The following TFIP11 variants were observed in gnomAD, a reference collection of about 807,000 sequenced individuals.
TFIP11 encodes tuftelin interacting protein 11, also known as tuftelin-interacting protein 11.
Under a neutral mutation model 96.8 loss-of-function variants are expected in TFIP11, and 86 were observed. The observed-to-expected ratio is 0.89, with a 90% CI of 0.75 to 1.06. The LOEUF (loss-of-function observed/expected upper bound fraction) is 1.06, where lower values mean the gene tolerates loss of function less well. Ranked by LOEUF, TFIP11 falls within the 50% of genes least tolerant of loss-of-function variation. The pLI, the probability that TFIP11 is intolerant of heterozygous loss-of-function variation, is 0.00. For missense variants in TFIP11, 881 were observed against 1,076.7 expected, an observed-to-expected ratio of 0.82 and a Z score of 2.54; for synonymous variants, 405 against 395.2, an observed-to-expected ratio of 1.02 and a Z score of -0.29.
intron 4 of TFIP11, among the ~76,000 whole-genome samples, chr22:26,507,630 CAAA>C (rs134137): frequency 1.6e-4 from 18 of 115,556 alleles, no homozygotes; most frequent in Non-Finnish European, 2.4e-4. Flanking sequence ...ACCTTATCTC[CAAA>C]AAAAAAAAAA....
Position 26,496,329 on chromosome 22 carries a change from G to A in TFIP11, c.1606-13C>T. 6.3e-7 allele frequency: 1 copy of A among 1,583,478 alleles called. No individual in the cohort carries two copies. The highest frequency in any genetic ancestry group is 8.6e-7 in the Non-Finnish European group (1 of 1,160,528). On this transcript the variant is annotated splice_polypyrimidine_tract_variant and intron_variant, in intron 11 of 14. Coordinates refer to ENST00000407690, the MANE Select transcript of TFIP11 (RefSeq NM_012143.4). Reference sequence around the variant, plus strand: ...TCCAGTTTTCCACCTGCGAAGTGGGGAGGAGAAACAGTTCATGTCGCCTGT... The same window carrying A: ...TCCAGTTTTCCACCTGCGAAGTGGGAAGGAGAAACAGTTCATGTCGCCTGT...
chr22:26,506,701 T>C, intron 5 of TFIP11, 74 bp downstream of exon 5: 2 of 1,570,756 alleles, frequency 1.3e-6, no homozygotes, highest in Non-Finnish European at 8.7e-7. Context: ...AGTTTCTCCC[T>C]GGCTAGAAAA....
intron 6 of TFIP11, among the ~76,000 whole-genome samples, chr22:26,505,039 T>C (rs1390557615): frequency 2.0e-5 from 3 of 152,170 alleles, no homozygotes; most frequent in African/African-American, 7.2e-5. Context: ...ATCGTGCCAC[T>C]GCACTCCAGT....
chr22:26,498,541 CAAA>C (rs10716815), intron 10 of TFIP11, among the ~76,000 whole-genome samples: 11 of 83,572 alleles, frequency 1.3e-4, no homozygotes, highest in South Asian at 4.3e-4. Context: ...GACTCCATCT[CAAA>C]AAAAAAAAAA....
intron 3 of TFIP11, 76 bp from the exon 4 acceptor site, chr22:26,510,357 T>C (rs1180444577): frequency 4.5e-6 from 6 of 1,347,302 alleles, no homozygotes; most frequent in Admixed American, 3.8e-5. Flanking sequence ...TGAGTCTCTA[T>C]TCCTTGCTGC....
chr22:26,491,870 A>T lies in TFIP11; in HGVS notation c.*143T>A. Reference sequence around the variant, plus strand: ...CCTACGTGGCATTGTCCCATTTTACATCCTTCCCTCATGACCTGGCCTGAT... The same window carrying T: ...CCTACGTGGCATTGTCCCATTTTACTTCCTTCCCTCATGACCTGGCCTGAT... On this transcript the variant is annotated 3_prime_UTR_variant, in exon 15 of 15. Coordinates refer to ENST00000407690, the MANE Select transcript of TFIP11 (RefSeq NM_012143.4). 1 of 993,156 alleles carries T rather than the reference A, an allele frequency of 1.0e-6. No individual in the cohort carries two copies. Among genetic ancestry groups the T allele is most frequent in the Non-Finnish European group, 1.5e-6 (1 of 686,596 alleles). 61.5% of individuals were successfully genotyped at this position (993,156 alleles called of 1,614,324 possible).
chr22:26,492,309 T>TC lies in TFIP11; in HGVS notation c.2217dup (p.Arg740GlufsTer16). On this transcript the variant is annotated frameshift_variant, in exon 15 of 15. Coordinates refer to ENST00000407690, the MANE Select transcript of TFIP11 (RefSeq NM_012143.4). LOFTEE classifies it high-confidence loss of function. ...ATGGCCTCGTACTGGAAGTCCTTCC[T>TC]CCGCTCCGTGTGGGTGAGATAGGCA... 6.2e-7 allele frequency: 1 copy of TC among 1,614,178 alleles called. No individual in the cohort carries two copies. The highest frequency in any genetic ancestry group is 1.3e-5 in the African/African-American group (1 of 75,046).
chr22:26,495,170 C>T (rs1382140665), intron 12 of TFIP11, among the ~76,000 whole-genome samples: 1 of 150,094 alleles, frequency 6.7e-6, no homozygotes, highest in East Asian at 2.0e-4. Flanking sequence ...GCATGTTGCC[C>T]AGGCTGGTCT....
chr22:26,506,291 A>C lies in TFIP11; in HGVS notation c.520+12T>G, dbSNP rs748431550. 9 of 1,578,194 alleles carry C rather than the reference A, an allele frequency of 5.7e-6. No individual in the cohort carries two copies. In the African/African-American group the frequency reaches 1.1e-4, roughly 19 times the overall value. ...CCCTCCTCCATCATGCAAGACGACA[A>C]AGGTGCAATACCTTGTGCATTCTTC... On this transcript the variant is annotated intron_variant, in intron 6 of 14. Transcript: ENST00000407690.
At chr22:26,509,397 T>C (rs186457114) in intron 4 of TFIP11, among the ~76,000 whole-genome samples, 1 of 152,354 alleles carries the variant, frequency 6.6e-6, no homozygotes, top group East Asian at 1.9e-4. Context: ...AAATGTGTTC[T>C]CCCTCATGTC....
chr22:26,511,205 C>T (rs1446091542), intron 2 of TFIP11: 1 of 152,352 alleles, frequency 6.6e-6, no homozygotes, highest in African/African-American at 2.4e-5. Flanking sequence ...ACTTGAAGTC[C>T]AATGTTCGAG....
Position 26,506,406 on chromosome 22 carries a change from G to C in TFIP11, c.417C>G (p.Phe139Leu). The change falls in exon 6 of 15, where the codon TTC becomes TTG. Residue 139 changes from phenylalanine (F) to leucine (L), a missense_variant. Transcript: ENST00000407690. ...QKGFAGGTKS[F>L]MDFGSWERHT... ...GTCTTTCCCAGCTGCCGAAGTCCAT[G>C]AAAGATTTGGTTCCTCCTGCAAAAC... is the stretch of plus-strand genomic sequence containing the variant. 2 of 1,614,062 alleles carry C rather than the reference G, an allele frequency of 1.2e-6. No individual in the cohort carries two copies. The highest frequency in any genetic ancestry group is 1.7e-6 in the Non-Finnish European group (2 of 1,179,974).
At position 26,496,076 on chromosome 22, in the gene TFIP11, G is replaced by A. The variant is rs1921988527; in HGVS notation, c.1846C>T (p.Leu616=). The change falls in exon 12 of 15, where the codon CTG becomes TTG. Residue 616 remains leucine, a synonymous_variant. Transcript: ENST00000407690. ...AFMVKNIVPK[L]GMCLGELVIN... ...ATGCATTTCCCCTTATCCTTACCCAGCTTGGGCACTATGTTTTTGACCATG... is the reference window on the plus strand; with the variant it reads ...ATGCATTTCCCCTTATCCTTACCCAACTTGGGCACTATGTTTTTGACCATG... The A allele has an allele frequency of 6.2e-7, 1 of 1,613,602 alleles. No individual in the cohort carries two copies. Among genetic ancestry groups the A allele is most frequent in the Non-Finnish European group, 8.5e-7 (1 of 1,179,968 alleles).
At chr22:26,509,847 C>T (rs372405460) in intron 4 of TFIP11, among the ~76,000 whole-genome samples, 1 of 151,926 alleles carries the variant, frequency 6.6e-6, no homozygotes, top group African/African-American at 2.4e-5. Context: ...CAAAGTGAAA[C>T]CGTGTCTCAA....
At chr22:26,499,003 G>A (rs1462090025) in intron 9 of TFIP11, 28 bp from the exon 10 acceptor site, 2 of 1,611,894 alleles carry the variant, frequency 1.2e-6, no homozygotes, top group Non-Finnish European at 8.5e-7. Context: ...CAGTTGAGGG[G>A]CAGCGGGCTC....
Position 26,496,328 on chromosome 22 carries a change from G to A in TFIP11, c.1606-12C>T. On this transcript the variant is annotated splice_polypyrimidine_tract_variant and intron_variant, in intron 11 of 14. Coordinates refer to ENST00000407690, the MANE Select transcript of TFIP11 (RefSeq NM_012143.4). ...TTCCAGTTTTCCACCTGCGAAGTGGGGAGGAGAAACAGTTCATGTCGCCTG... is the reference window on the plus strand; with the variant it reads ...TTCCAGTTTTCCACCTGCGAAGTGGAGAGGAGAAACAGTTCATGTCGCCTG... 5 of 1,584,988 alleles carry A rather than the reference G, an allele frequency of 3.2e-6. No individual in the cohort carries two copies. The highest frequency in any genetic ancestry group is 4.3e-6 in the Non-Finnish European group (5 of 1,161,214).
intron 6 of TFIP11, among the ~76,000 whole-genome samples, chr22:26,504,813 C>T (rs1211759498): frequency 6.6e-6 from 1 of 151,944 alleles, no homozygotes; most frequent in African/African-American, 2.4e-5. Flanking sequence ...CAGTGGCTCA[C>T]ACCTATAATC....
intron 3 of TFIP11, 27 bp from the exon 4 acceptor site, chr22:26,510,308 G>A: frequency 6.2e-7 from 1 of 1,607,656 alleles, no homozygotes; most frequent in African/African-American, 1.3e-5. Flanking sequence ...AAAGAGCACA[G>A]GCCGTAAGTC....
chr22:26,495,788 C>A (rs1569157142), intron 12 of TFIP11, among the ~76,000 whole-genome samples: 1 of 151,922 alleles, frequency 6.6e-6, no homozygotes. Context: ...ACTCCAATGG[C>A]TGTCCTATTA....
Sources: allele counts gnomAD v4.1 joint callset (sites outside exome capture counted in the v4.1 genomes callset), GRCh38; gene constraint gnomAD v4.1.1; transcripts MANE v1.5; gene names NCBI Gene and HGNC (gene_info 2026-07-23, HGNC 2026-07-21).